ATRNL1: variants seen among roughly 807,000 people sequenced by gnomAD.
ATRNL1 encodes attractin like 1.
A neutral mutation model predicts 182.7 loss-of-function variants in ATRNL1; 95 were observed. That is an observed-to-expected ratio of 0.52 (90% CI 0.44 to 0.62). The LOEUF (loss-of-function observed/expected upper bound fraction) is 0.62, where lower values mean the gene tolerates loss of function less well. ATRNL1 is among the 20% of genes least tolerant of loss of function. The pLI is 0.00. For missense variants in ATRNL1, 1,471 were observed against 1,679.5 expected (o/e 0.88, Z 2.17); for synonymous variants, 576 against 568.3 (o/e 1.01, Z -0.19).
intron 20 of ATRNL1, among the ~76,000 whole-genome samples, chr10:115,395,449 G>A (rs562260639): frequency 6.6e-6 from 1 of 151,812 alleles, no homozygotes; most frequent in East Asian, 1.9e-4. Flanking sequence ...CATAGAACAT[G>A]TTATCTTTTG....
intron 26 of ATRNL1, chr10:115,597,996 T>C (rs879981815): frequency 6.2e-6 from 1 of 160,156 alleles, no homozygotes; most frequent in African/African-American, 2.4e-5. Flanking sequence ...CACATACAAA[T>C]CCAGGTATTT....
intron 8 of ATRNL1, among the ~76,000 whole-genome samples, chr10:115,174,564 C>T (rs1847422271): frequency 6.6e-6 from 1 of 151,580 alleles, no homozygotes; most frequent in Non-Finnish European, 1.5e-5. Flanking sequence ...CATTTATTTA[C>T]AGGGGTCAGC....
intron 27 of ATRNL1, among the ~76,000 whole-genome samples, chr10:115,756,155 G>A (rs1452410092): frequency 2.0e-5 from 3 of 151,916 alleles, no homozygotes; most frequent in African/African-American, 4.8e-5. Flanking sequence ...GGTTTTTCCT[G>A]TCTCTATCTC....
At chr10:115,872,744 C>T (rs1555106394) in intron 28 of ATRNL1, among the ~76,000 whole-genome samples, 1 of 152,182 alleles carries the variant, frequency 6.6e-6, no homozygotes, top group African/African-American at 2.4e-5. Context: ...ACTGTTATAT[C>T]CTGACTGCAG....
intron 28 of ATRNL1, among the ~76,000 whole-genome samples, chr10:115,879,741 A>G (rs1951784402): frequency 6.6e-6 from 1 of 152,202 alleles, no homozygotes; most frequent in African/African-American, 2.4e-5. Context: ...TTTTAAGGGA[A>G]TACTAGAGAT....
intron 15 of ATRNL1, among the ~76,000 whole-genome samples, chr10:115,288,649 G>A (rs1852746519): frequency 6.6e-6 from 1 of 151,936 alleles, no homozygotes; most frequent in Admixed American, 6.6e-5. Flanking sequence ...AGCCTCCCGA[G>A]TAGCTGGGAT....
chr10:115,444,696 T>C (rs1846870850), intron 21 of ATRNL1, among the ~76,000 whole-genome samples: 1 of 151,986 alleles, frequency 6.6e-6, no homozygotes, highest in Non-Finnish European at 1.5e-5. Flanking sequence ...GACACCTGTT[T>C]ACCTGAAATT....
chr10:115,875,640 CT>C (rs1951683275), intron 28 of ATRNL1, among the ~76,000 whole-genome samples: 1 of 152,288 alleles, frequency 6.6e-6, no homozygotes, highest in Admixed American at 6.5e-5. Flanking sequence ...GTGCTGAAAG[CT>C]TTGCATAGGT....
intron 28 of ATRNL1, among the ~76,000 whole-genome samples, chr10:115,883,776 G>T (rs1345505876): frequency 2.6e-5 from 4 of 152,226 alleles, no homozygotes; most frequent in African/African-American, 7.2e-5. Context: ...TGATTTAGGG[G>T]TGAACGTTCT....
chr10:115,894,472 A>T (rs782541412), intron 28 of ATRNL1, among the ~76,000 whole-genome samples: 17 of 152,286 alleles, frequency 1.1e-4, no homozygotes, highest in Admixed American at 9.1e-4. Flanking sequence ...TTTCTCTAAG[A>T]TTACAAGATA....
chr10:115,777,459 G>C (rs1438390792), intron 27 of ATRNL1, among the ~76,000 whole-genome samples: 1 of 151,958 alleles, frequency 6.6e-6, no homozygotes, highest in Non-Finnish European at 1.5e-5. Flanking sequence ...GTAAAGTCTT[G>C]CTAAGCAAAT....
intron 9 of ATRNL1, among the ~76,000 whole-genome samples, chr10:115,227,992 T>G (rs1849765469): frequency 6.6e-6 from 1 of 152,134 alleles, no homozygotes; most frequent in Admixed American, 6.6e-5. Context: ...TGTGTTCACT[T>G]TGTGATAATT....
chr10:115,425,850 A>G (rs1431943507), intron 20 of ATRNL1, among the ~76,000 whole-genome samples: 8 of 152,074 alleles, frequency 5.3e-5, no homozygotes, highest in Non-Finnish European at 2.9e-5. Flanking sequence ...AAGTGTGAAA[A>G]TAATGTGGAT....
At chr10:115,826,066 A>G (rs1950424294) in intron 27 of ATRNL1, among the ~76,000 whole-genome samples, 1 of 152,204 alleles carries the variant, frequency 6.6e-6, no homozygotes, top group African/African-American at 2.4e-5. Flanking sequence ...GCAAGGGTGA[A>G]CTCACATGAA....
chr10:115,728,331 A>G (rs1407280688), intron 27 of ATRNL1, among the ~76,000 whole-genome samples: 1 of 150,022 alleles, frequency 6.7e-6, no homozygotes, highest in African/African-American at 2.4e-5. Flanking sequence ...AAAGGATGCA[A>G]AATTCACAAA....
At chr10:115,499,133 CATT>C (rs1849691275) in intron 24 of ATRNL1, among the ~76,000 whole-genome samples, 1 of 151,988 alleles carries the variant, frequency 6.6e-6, no homozygotes. Flanking sequence ...ATACAGGTAT[CATT>C]ATAATTACTA....
intron 20 of ATRNL1, among the ~76,000 whole-genome samples, chr10:115,397,613 G>A (rs186021253): frequency 6.6e-6 from 1 of 151,954 alleles, no homozygotes; most frequent in Non-Finnish European, 1.5e-5. Flanking sequence ...TATTTTGGTT[G>A]GATAAGAAAA....
chr10:115,793,197 G>T (rs1320826237), intron 27 of ATRNL1, among the ~76,000 whole-genome samples: 14 of 151,962 alleles, frequency 9.2e-5, no homozygotes, highest in African/African-American at 2.4e-5. Context: ...TTTAATAATT[G>T]TATGGTTAGT....
intron 13 of ATRNL1, among the ~76,000 whole-genome samples, chr10:115,275,718 C>G (rs1315348824): frequency 1.3e-5 from 2 of 152,174 alleles, no homozygotes; most frequent in African/African-American, 4.8e-5. Flanking sequence ...GTGCTCCCCT[C>G]CCAAGTTTAT....
Sources: gnomAD v4.1 joint callset for allele counts (sites outside exome capture counted in the v4.1 genomes callset) on GRCh38, gnomAD v4.1.1 for gene constraint, MANE v1.5 for transcripts, NCBI Gene and HGNC (gene_info 2026-07-23, HGNC 2026-07-21) for gene names.